IFFO2: variants seen among roughly 807,000 people sequenced by gnomAD.
IFFO2 encodes intermediate filament family orphan 2.
In IFFO2, 19 loss-of-function variants were observed where a neutral mutation model predicts 53.5. That is an observed-to-expected ratio of 0.36 (90% CI 0.25 to 0.52). IFFO2 has a LOEUF of 0.52. IFFO2 is among the 20% of genes least tolerant of loss of function. The pLI, the probability that IFFO2 is intolerant of heterozygous loss-of-function variation, is 0.94. For missense variants in IFFO2, 570 were observed against 727.4 expected (o/e 0.78, Z 2.49); for synonymous variants, 303 against 313.6 (o/e 0.97, Z 0.36).
chr1:18,932,009 C>A (rs1217469617), intron 1 of IFFO2, among the ~76,000 whole-genome samples: 1 of 152,256 alleles, frequency 6.6e-6, no homozygotes, highest in Non-Finnish European at 1.5e-5. Context: ...CCTCGGCACA[C>A]CACCACCTCC....
At chr1:18,909,617 G>A (rs574690680) in intron 8 of IFFO2, among the ~76,000 whole-genome samples, 2 of 152,280 alleles carry the variant, frequency 1.3e-5, no homozygotes, top group South Asian at 4.1e-4. Context: ...ATAAGGGGGG[G>A]TTTCCCCTTT....
Position 18,956,312 on chromosome 1 carries a change from G to A in IFFO2, c.21C>T (p.Phe7=). The A allele has an allele frequency of 2.3e-6, 1 of 438,212 alleles. No homozygotes were observed. The highest frequency in any genetic ancestry group is 3.3e-6 in the Non-Finnish European group (1 of 301,950). 27.1% of individuals were successfully genotyped at this position (438,212 alleles called of 1,614,324 possible). A position where few individuals can be genotyped will look rare whatever the true frequency, so the allele number is the denominator to read the frequency against. The change falls in exon 1 of 9, where the codon TTC becomes TTT. Residue 7 remains phenylalanine (F), a synonymous_variant. Coordinates refer to ENST00000455833, the MANE Select transcript of IFFO2 (RefSeq NM_001136265.2). The surrounding 1 kb of genome is among the most constrained non-coding windows in gnomAD (Gnocchi z 6.4). ...AGCCGAAGGCCAAGGCCATCTCCCC[G>A]AACAGCAGCGAGTTCACCATGCGCC... MVNSLL[F]GEMALAFGCP...
intron 1 of IFFO2, among the ~76,000 whole-genome samples, chr1:18,949,992 G>A (rs538670434): frequency 3.9e-5 from 6 of 152,322 alleles, no homozygotes; most frequent in South Asian, 4.1e-4. Context: ...TCTGAGAATC[G>A]CTCCCAAATT....
intron 2 of IFFO2, among the ~76,000 whole-genome samples, chr1:18,920,114 T>C (rs1226039958): frequency 6.6e-6 from 1 of 152,212 alleles, no homozygotes; most frequent in African/African-American, 2.4e-5. Flanking sequence ...AAAATGACAA[T>C]GTCATGTGTG....
At position 18,907,809 on chromosome 1, in the gene IFFO2, A is replaced by G. The variant is rs1569824772; in HGVS notation, c.*752T>C. On this transcript the variant is annotated 3_prime_UTR_variant, in exon 9 of 9. Coordinates refer to ENST00000455833, the MANE Select transcript of IFFO2 (RefSeq NM_001136265.2). ...CCCAGGAGAGGTCCTGCCTTCCACA[A>G]TGATATAAGGCAAGCTGCTTTTGTT... 1 of 151,748 alleles carries G rather than the reference A, an allele frequency of 6.6e-6. No homozygotes were observed. The highest frequency in any genetic ancestry group is 2.1e-4 in the South Asian group (1 of 4,838). 9.4% of individuals were successfully genotyped at this position (151,748 alleles called of 1,614,324 possible). A position where few individuals can be genotyped will look rare whatever the true frequency, so the allele number is the denominator to read the frequency against.
In IFFO2 at chr1:18,919,548, C is replaced by T; in HGVS notation, c.822+130G>A. On this transcript the variant is annotated intron_variant, in intron 3 of 8. Coordinates refer to ENST00000455833, the MANE Select transcript of IFFO2 (RefSeq NM_001136265.2). The surrounding 1 kb of genome is among the most constrained non-coding windows in gnomAD (Gnocchi z 4.9). Reference sequence around the variant, plus strand: ...CGATGCATCCAATGCATCCGTCATCCTCATGGTCAAACACAGCCAGCCAGG... The same window carrying T: ...CGATGCATCCAATGCATCCGTCATCTTCATGGTCAAACACAGCCAGCCAGG... 4.4e-6 allele frequency: 3 copies of T among 681,942 alleles called. No homozygotes were observed. In the Admixed American group the frequency reaches 6.6e-5, roughly 15 times the overall value. The allele number at this position is 681,942 out of a possible 1,614,324, so 42.2% of individuals were successfully genotyped here.
At chr1:18,915,916 G>A (rs181513656) in intron 5 of IFFO2, among the ~76,000 whole-genome samples, 107 of 152,186 alleles carry the variant, frequency 7.0e-4, no homozygotes, top group Non-Finnish European at 1.1e-3. Context: ...CTGGAGGTCA[G>A]GAGTTCGAGA....
chr1:18,925,895 T>C lies in IFFO2; in HGVS notation c.666-4774A>G. On this transcript the variant is annotated intron_variant, in intron 1 of 8. Transcript: ENST00000455833. ...TGGATGGATGGATGGATGGATGGATTGGATGGATTGGTTGGATGGATGGAT... is the reference window on the plus strand; with the variant it reads ...TGGATGGATGGATGGATGGATGGATCGGATGGATTGGTTGGATGGATGGAT... 1.7e-4 allele frequency among the ~76,000 whole-genome samples: 2 copies of C among 11,670 alleles called. 1 individual carries two copies. The highest frequency in any genetic ancestry group is 4.5e-3 in the East Asian group (2 of 448). The allele number at this position is 11,670 out of a possible 152,430, so 7.7% of individuals were successfully genotyped here. A position where few individuals can be genotyped will look rare whatever the true frequency, so the allele number is the denominator to read the frequency against.
chr1:18,938,216 G>C (rs1557647225), intron 1 of IFFO2, among the ~76,000 whole-genome samples: 1 of 152,340 alleles, frequency 6.6e-6, no homozygotes, highest in South Asian at 2.1e-4. Context: ...TTCCTCATCT[G>C]TAAAATGGGA....
At position 18,918,619 on chromosome 1, in the gene IFFO2, A is replaced by T; in HGVS notation, c.823-117T>A. 3.2e-6 allele frequency: 3 copies of T among 934,674 alleles called. No homozygotes were observed. The highest frequency in any genetic ancestry group is 2.7e-5 in the Admixed American group (1 of 36,784). The allele number at this position is 934,674 out of a possible 1,614,324, so 57.9% of individuals were successfully genotyped here. A position where few individuals can be genotyped will look rare whatever the true frequency, so the allele number is the denominator to read the frequency against. Reference sequence around the variant, plus strand: ...AGGGGTGGTGCGGGGAGGCCTCCAGAGTCCGAGGGTGCCTTGGGCTTTTCC... The same window carrying T: ...AGGGGTGGTGCGGGGAGGCCTCCAGTGTCCGAGGGTGCCTTGGGCTTTTCC... On this transcript the variant is annotated intron_variant, in intron 3 of 8. Coordinates refer to ENST00000455833, the MANE Select transcript of IFFO2 (RefSeq NM_001136265.2). The surrounding 1 kb of genome is among the most constrained non-coding windows in gnomAD (Gnocchi z 5.2).
At chr1:18,934,781 T>C (rs543831352) in intron 1 of IFFO2, among the ~76,000 whole-genome samples, 121 of 152,330 alleles carry the variant, frequency 7.9e-4, no homozygotes, top group African/African-American at 2.9e-3. Flanking sequence ...AAATGCATTT[T>C]TTCCACCTAA....
chr1:18,914,782 C>G (rs1936107083), intron 5 of IFFO2, among the ~76,000 whole-genome samples: 1 of 145,602 alleles, frequency 6.9e-6, no homozygotes, highest in Non-Finnish European at 1.5e-5. Flanking sequence ...GAGATCGCAC[C>G]ACCACACTCC....
chr1:18,931,982 C>A (rs1172311412), intron 1 of IFFO2, among the ~76,000 whole-genome samples: 2 of 152,222 alleles, frequency 1.3e-5, no homozygotes, highest in Non-Finnish European at 2.9e-5. Context: ...CGCCAGAGAA[C>A]CCAGGGTGCA....
Position 18,947,428 on chromosome 1 carries a change from CA to C in IFFO2, c.665+8239del, listed in dbSNP as rs1157176097. Among the ~76,000 whole-genome samples the C allele has an allele frequency of 4.6e-5, 7 of 152,206 alleles. No individual in the cohort carries two copies. The highest frequency in any genetic ancestry group is 8.8e-5 in the Non-Finnish European group (6 of 68,018). ...CCCAGCTTTGCTAGGCAACATTTCA[CA>C]GAAATGAAAACTGAGGCTCACAGCA... is the stretch of plus-strand genomic sequence containing the variant. On this transcript the variant is annotated intron_variant, in intron 1 of 8. Coordinates refer to ENST00000455833, the MANE Select transcript of IFFO2 (RefSeq NM_001136265.2). This position sits in a 1 kb window ranked among gnomAD's most constrained non-coding sequence, Gnocchi z 5.0.
At chr1:18,913,777 G>A (rs1034718823) in intron 5 of IFFO2, among the ~76,000 whole-genome samples, 8 of 152,146 alleles carry the variant, frequency 5.3e-5, no homozygotes, top group Non-Finnish European at 4.4e-5. Flanking sequence ...ATGGGGGTGG[G>A]GGGTGATCAA....
rs1417029658 is a variant in IFFO2, at chr1:18,911,400, G to T, written c.1301C>A (p.Thr434Lys). ...FKTRDKEYQE[T>K]IGQIELELAT... ...AGCCCTCACCTCGATCTGACCTATC[G>T]TTTCCTGGTACTCCTTGTCTCTCGT... The change falls in exon 7 of 9, where the codon ACG (threonine) becomes AAG (lysine). Residue 434 changes from threonine (T) to lysine (K), a missense_variant. Thr to Lys is a moderately conservative substitution (Grantham distance 78, BLOSUM62 -1). Coordinates refer to ENST00000455833, the MANE Select transcript of IFFO2 (RefSeq NM_001136265.2). 6.6e-7 allele frequency: 1 copy of T among 1,519,446 alleles called. No homozygotes were observed. Among genetic ancestry groups the T allele is most frequent in the South Asian group, 1.3e-5 (1 of 78,386 alleles). 94.1% of individuals were successfully genotyped at this position (1,519,446 alleles called of 1,614,324 possible).
chr1:18,913,196 A>G (rs1936066094), intron 5 of IFFO2, among the ~76,000 whole-genome samples: 1 of 152,204 alleles, frequency 6.6e-6, no homozygotes, highest in African/African-American at 2.4e-5. Context: ...TCTGGTAAAA[A>G]GCTGCCTCGA....
intron 5 of IFFO2, among the ~76,000 whole-genome samples, chr1:18,912,970 A>G (rs1410207072): frequency 6.6e-6 from 1 of 152,168 alleles, no homozygotes; most frequent in Non-Finnish European, 1.5e-5. Flanking sequence ...CATCCAACAT[A>G]CCCCTATTTC....
Position 18,955,295 on chromosome 1 carries a change from T to C in IFFO2, c.665+373A>G, listed in dbSNP as rs150571624. On this transcript the variant is annotated intron_variant, in intron 1 of 8. Coordinates refer to ENST00000455833, the MANE Select transcript of IFFO2 (RefSeq NM_001136265.2). Reference sequence around the variant, plus strand: ...TACTCGCCAAGCCACCTTAGGCAAATCACTTAGCATTTCTGCACCTCGGTT... The same window carrying C: ...TACTCGCCAAGCCACCTTAGGCAAACCACTTAGCATTTCTGCACCTCGGTT... Among the ~76,000 whole-genome samples, 1,100 of 152,258 alleles carry C rather than the reference T, an allele frequency of 7.2e-3. 16 individuals carry two copies. The highest frequency in any genetic ancestry group is 0.025 in the African/African-American group (1,042 of 41,548).
Sources: allele counts gnomAD v4.1 joint callset (sites outside exome capture counted in the v4.1 genomes callset), GRCh38; gene constraint gnomAD v4.1.1; non-coding constraint Gnocchi (gnomAD v3.1); transcripts MANE v1.5; gene names NCBI Gene and HGNC (gene_info 2026-07-23, HGNC 2026-07-21).